The following CLIC5 variants were observed in gnomAD, a reference collection of about 807,000 sequenced individuals.
The protein encoded by CLIC5 is CLIC family member 5.
Under a neutral mutation model 24.7 loss-of-function variants are expected in CLIC5, and 20 were observed. The observed-to-expected ratio is 0.81, with a 90% CI of 0.57 to 1.18. CLIC5 has a LOEUF of 1.18. CLIC5 is among the 50% of genes most tolerant of loss of function. The pLI, the probability that CLIC5 is intolerant of heterozygous loss-of-function variation, is 0.00. For synonymous variants in CLIC5, 159 were observed against 135.6 expected (o/e 1.17, Z -1.20); for missense variants, 341 against 326.1 (o/e 1.05, Z -0.35).
At chr6:46,095,076 C>T in the CLIC5 span, among the ~76,000 whole-genome samples, 1 of 152,216 alleles carries the variant, frequency 6.6e-6, no homozygotes, top group Non-Finnish European at 1.5e-5. Context: ...ACCCAGGCCC[C>T]TTTAAGCCAC....
intron 1 of CLIC5, among the ~76,000 whole-genome samples, chr6:45,979,233 A>G (rs1194902673): frequency 6.6e-6 from 1 of 152,188 alleles, no homozygotes; most frequent in African/African-American, 2.4e-5. Context: ...GGACACATGT[A>G]TTATATGTGC....
chr6:46,039,090 T>C (rs925039739), intron 1 of CLIC5, among the ~76,000 whole-genome samples: 7 of 152,194 alleles, frequency 4.6e-5, no homozygotes, highest in Middle Eastern at 3.2e-3. Flanking sequence ...AACTCATTCA[T>C]GCATAGAAAG....
intron 2 of CLIC5, among the ~76,000 whole-genome samples, chr6:45,954,885 A>G (rs1286686892): frequency 6.6e-6 from 1 of 152,326 alleles, no homozygotes; most frequent in Non-Finnish European, 1.5e-5. Context: ...TTGCAATGCC[A>G]TTGTCCATTC....
At chr6:46,123,376 T>C in the CLIC5 span, among the ~76,000 whole-genome samples, 1 of 152,270 alleles carries the variant, frequency 6.6e-6, no homozygotes, top group East Asian at 1.9e-4. Flanking sequence ...TCCACAATAT[T>C]CAACAGCTCT....
At chr6:46,111,151 C>G in the CLIC5 span, among the ~76,000 whole-genome samples, 2 of 150,872 alleles carry the variant, frequency 1.3e-5, no homozygotes, top group South Asian at 2.1e-4. Context: ...CTATTTCTCT[C>G]ACTTGGAATC....
Position 46,072,595 on chromosome 6 carries a change from T to C in CLIC5, c.540+7108A>G, listed in dbSNP as rs149583693. 3.5e-3 allele frequency among the ~76,000 whole-genome samples: 538 copies of C among 152,218 alleles called. 3 individuals carry two copies. Among genetic ancestry groups the C allele is most frequent in the African/African-American group, 0.012 (507 of 41,530 alleles). On this transcript the variant is annotated intron_variant, in intron 1 of 5. Transcript: ENST00000185206. Reference sequence around the variant, plus strand: ...TTTAGAAAAAAATATGGGCCCTAATTTGGGGATATGTATTTCAGAGTATCA... The same window carrying C: ...TTTAGAAAAAAATATGGGCCCTAATCTGGGGATATGTATTTCAGAGTATCA...
chr6:46,028,063 G>C (rs937835313), intron 1 of CLIC5, among the ~76,000 whole-genome samples: 4 of 152,210 alleles, frequency 2.6e-5, no homozygotes, highest in African/African-American at 9.7e-5. Context: ...CAAAGTCACT[G>C]CATCAATGGA....
downstream of CLIC5, among the ~76,000 whole-genome samples, chr6:45,897,865 T>C (rs1370736631): frequency 6.6e-6 from 1 of 152,022 alleles, no homozygotes; most frequent in Non-Finnish European, 1.5e-5. Flanking sequence ...ACTGTTGATC[T>C]ACCTCCATGG....
chr6:46,126,462 C>T, the CLIC5 span, among the ~76,000 whole-genome samples: 2 of 152,174 alleles, frequency 1.3e-5, no homozygotes, highest in Admixed American at 1.3e-4. Context: ...GAAGGTCTAA[C>T]ACAATAGTTC....
intron 1 of CLIC5, among the ~76,000 whole-genome samples, chr6:45,976,186 A>G (rs1483292750): frequency 6.6e-6 from 1 of 152,222 alleles, no homozygotes; most frequent in Non-Finnish European, 1.5e-5. Context: ...TATAATAATT[A>G]TATTACGTAT....
the CLIC5 span, among the ~76,000 whole-genome samples, chr6:46,105,506 G>T: frequency 6.6e-6 from 1 of 151,964 alleles, no homozygotes; most frequent in Admixed American, 6.6e-5. Flanking sequence ...CCTTTCTCAA[G>T]AATTATTTTA....
At chr6:45,917,723 C>T (rs1007225319) in intron 4 of CLIC5, among the ~76,000 whole-genome samples, 2 of 152,210 alleles carry the variant, frequency 1.3e-5, no homozygotes, top group African/African-American at 4.8e-5. Flanking sequence ...CCTGCCAACT[C>T]ATTCCTCTGA....
At chr6:45,980,977 T>A (rs1401813924) in intron 1 of CLIC5, among the ~76,000 whole-genome samples, 1 of 152,182 alleles carries the variant, frequency 6.6e-6, no homozygotes, top group Non-Finnish European at 1.5e-5. Context: ...ATTTTCTGTT[T>A]TGTTTTGTTT....
At chr6:45,999,402 T>C (rs1254195937) in intron 1 of CLIC5, among the ~76,000 whole-genome samples, 1 of 152,214 alleles carries the variant, frequency 6.6e-6, no homozygotes, top group Non-Finnish European at 1.5e-5. Flanking sequence ...TGGATGTGGG[T>C]ATTTCAGTTT....
At chr6:46,011,817 T>G (rs945342995) in intron 1 of CLIC5, among the ~76,000 whole-genome samples, 2 of 152,240 alleles carry the variant, frequency 1.3e-5, no homozygotes, top group African/African-American at 4.8e-5. Context: ...TCTAGCCTGT[T>G]GTCCTCCTCT....
rs974399394 is a variant in CLIC5, at chr6:45,912,539, A to C, written c.588+1689T>G. ...GGAAAGAAGAAAGGAAAAGAAGGCA[A>C]GAAGGAATACAATCCACTTCTGTTC... On this transcript the variant is annotated intron_variant, in intron 5 of 5. Coordinates refer to ENST00000339561, the MANE Select transcript of CLIC5 (RefSeq NM_016929.5). The C allele has an allele frequency of 1.2e-5, 17 of 1,384,858 alleles. No homozygotes were observed. In the Middle Eastern group the frequency reaches 7.6e-4, roughly 62 times the overall value. The allele number at this position is 1,384,858 out of a possible 1,614,324, so 85.8% of individuals were successfully genotyped here.
downstream of CLIC5, among the ~76,000 whole-genome samples, chr6:45,895,100 T>A (rs556669308): frequency 1.2e-4 from 18 of 152,226 alleles, no homozygotes; most frequent in Non-Finnish European, 2.4e-4. Context: ...AAGGTGGTTA[T>A]CTGTGGGCAG....
chr6:45,994,760 G>A (rs1039961378), intron 1 of CLIC5, among the ~76,000 whole-genome samples: 7 of 152,160 alleles, frequency 4.6e-5, no homozygotes, highest in African/African-American at 1.7e-4. Flanking sequence ...AGGGTGCCCA[G>A]TGCCTACACC....
rs200361326 is a variant in CLIC5, at chr6:45,903,198, G to C, written c.646C>G (p.Arg216Gly). Reference sequence around the variant, plus strand: ...CGGGCATAGGCGTTCTTGAGGTACCGCCACAGGCCTGTCATCTCAGCCGGG... The same window carrying C: ...CGGGCATAGGCGTTCTTGAGGTACCCCCACAGGCCTGTCATCTCAGCCGGG... ...DIPAEMTGLWRYLKNAYARDE... is the reference protein window; with the variant it reads ...DIPAEMTGLWGYLKNAYARDE... Residue 216 changes from arginine to glycine, a missense_variant, in exon 6 of 6, where the codon CGG (arginine) becomes GGG (glycine). Arg to Gly is a moderately radical substitution (Grantham distance 125). Coordinates refer to ENST00000339561, the MANE Select transcript of CLIC5 (RefSeq NM_016929.5). 6.2e-7 allele frequency: 1 copy of C among 1,612,330 alleles called. No homozygotes were observed. The highest frequency in any genetic ancestry group is 1.1e-5 in the South Asian group (1 of 90,722).
Sources: allele counts gnomAD v4.1 joint callset (sites outside exome capture counted in the v4.1 genomes callset), GRCh38; gene constraint gnomAD v4.1.1; transcripts MANE v1.5; gene names NCBI Gene and HGNC (gene_info 2026-07-23, HGNC 2026-07-21).